The following HMCN2 variants were observed in gnomAD, a reference collection of about 807,000 sequenced individuals.
The protein encoded by HMCN2 is hemicentin 2, also known as hemicentin-2.
HMCN2 carries 325 observed loss-of-function variants against 377.5 expected under a neutral mutation model. That is an observed-to-expected ratio of 0.86 (90% CI 0.79 to 0.94). HMCN2 has a LOEUF of 0.94. Ranked by LOEUF, HMCN2 falls within the 40% of genes least tolerant of loss-of-function variation. The pLI is 0.00. For synonymous variants in HMCN2, 2,007 were observed against 2,046.8 expected, an observed-to-expected ratio of 0.98 and a Z score of 0.53; for missense variants, 4,543 against 4,725.3, an observed-to-expected ratio of 0.96 and a Z score of 1.13.
chr9:130,376,050 C>A (rs2131615181), intron 51 of HMCN2, 61 bp downstream of exon 51: 1 of 709,826 alleles, frequency 1.4e-6, no homozygotes, highest in Non-Finnish European at 1.7e-6. Context: ...AACCTAGGGG[C>A]CCAGGCACCT....
chr9:130,371,804 C>T (rs1001743761), intron 46 of HMCN2, among the ~76,000 whole-genome samples: 4 of 152,208 alleles, frequency 2.6e-5, no homozygotes, highest in African/African-American at 4.8e-5. Flanking sequence ...TTAGTAATGT[C>T]GGCTCTGGGT....
chr9:130,398,878 A>T (rs4573325), intron 75 of HMCN2, among the ~76,000 whole-genome samples, 171 bp downstream of exon 75: 36 of 151,948 alleles, frequency 2.4e-4, no homozygotes, highest in Admixed American at 2.4e-3. Context: ...ACACTGAGAT[A>T]GGGGTGAGGG....
chr9:130,427,693 G>C, intron 92 of HMCN2, 74 bp downstream of exon 92: 3 of 1,470,426 alleles, frequency 2.0e-6, no homozygotes, highest in Non-Finnish European at 2.7e-6. Flanking sequence ...GGGTCCCCAG[G>C]GCCAGGACCC....
chr9:130,424,861 C>T lies in HMCN2; in HGVS notation c.13467C>T (p.His4489=), dbSNP rs1303299428. The stretch of plus-strand genomic sequence containing the variant: ...AGAGTGGGGAAGCCCTGAATGGCCA[C>T]TCTCTGACTGGGGGCAGGTTCCGGC... ...ARESGEALNG[H]SLTGGRFRQE... The change falls in exon 88 of 98, where the codon CAC becomes CAT. Residue 4489 remains histidine, a synonymous_variant. Transcript: ENST00000683500. The T allele has an allele frequency of 6.8e-7, 1 of 1,471,712 alleles. No homozygotes were observed. The highest frequency in any genetic ancestry group is 9.0e-7 in the Non-Finnish European group (1 of 1,105,936). 91.2% of individuals were successfully genotyped at this position (1,471,712 alleles called of 1,614,324 possible).
At chr9:130,291,462 G>A (rs1217349233) in intron 4 of HMCN2, among the ~76,000 whole-genome samples, 4 of 152,082 alleles carry the variant, frequency 2.6e-5, no homozygotes, top group East Asian at 1.9e-4. Context: ...CGCCTGCCTC[G>A]GCCTCCCAAA....
intron 61 of HMCN2, among the ~76,000 whole-genome samples, chr9:130,388,093 G>A (rs1219759820): frequency 1.3e-5 from 2 of 152,128 alleles, no homozygotes; most frequent in Admixed American, 6.5e-5. Context: ...GTGTCTGCCT[G>A]GGGTGTGTGA....
Position 130,355,752 on chromosome 9 carries a change from C to T in HMCN2, c.5153C>T (p.Pro1718Leu), listed in dbSNP as rs1000769946. ...LQYSVEVQVP[P>L]QLLVAEGLGQ... ...GAGTGTGTTCTGCCTGCAGTGCCCCCACAGCTCCTGGTGGCTGAAGGCTTG... is the reference window on the plus strand; with the variant it reads ...GAGTGTGTTCTGCCTGCAGTGCCCCTACAGCTCCTGGTGGCTGAAGGCTTG... The change falls in exon 33 of 98, where the codon CCA becomes CTA. Residue 1718 changes from proline to leucine, a missense_variant. Coordinates refer to ENST00000683500, the MANE Select transcript of HMCN2 (RefSeq NM_001291815.2). 3.1e-6 allele frequency: 4 copies of T among 1,302,952 alleles called. No individual in the cohort carries two copies. Among genetic ancestry groups the T allele is most frequent in the East Asian group, 5.5e-5 (1 of 18,038 alleles). The allele number at this position is 1,302,952 out of a possible 1,614,324, so 80.7% of individuals were successfully genotyped here. A position where few individuals can be genotyped will look rare whatever the true frequency, so the allele number is the denominator to read the frequency against.
At chr9:130,283,792 C>T (rs1395278614) in intron 1 of HMCN2, among the ~76,000 whole-genome samples, 1 of 152,154 alleles carries the variant, frequency 6.6e-6, no homozygotes, top group African/African-American at 2.4e-5. Context: ...TGTGAATTTA[C>T]CAGTTTGTTT....
chr9:130,431,497 C>A lies in HMCN2; in HGVS notation c.14767+11C>A. On this transcript the variant is annotated intron_variant, in intron 96 of 97. Coordinates refer to ENST00000683500, the MANE Select transcript of HMCN2 (RefSeq NM_001291815.2). ...GGAAGAACTGCCAGGGTGAGCCGGG[C>A]TCAGGCCGCCGCCCAAACACCCGTG... 1 of 1,547,038 alleles carries A rather than the reference C, an allele frequency of 6.5e-7. No homozygotes were observed. Among genetic ancestry groups the A allele is most frequent in the South Asian group, 1.2e-5 (1 of 83,952 alleles).
Position 130,265,863 on chromosome 9 carries a change from C to T in HMCN2, c.-16C>T. 1 of 339,884 alleles carries T rather than the reference C, an allele frequency of 2.9e-6. No homozygotes were observed. 21.1% of individuals were successfully genotyped at this position (339,884 alleles called of 1,614,324 possible). ...GCGCCTCCACCGCAGCACCCGCAGC[C>T]AGAGCCGCGCTCGGCATGATGCCCG... is the stretch of plus-strand genomic sequence containing the variant. On this transcript the variant is annotated 5_prime_UTR_variant, in exon 1 of 98. Coordinates refer to ENST00000683500, the MANE Select transcript of HMCN2 (RefSeq NM_001291815.2).
Position 130,361,416 on chromosome 9 carries a change from C to T in HMCN2, c.5951-592C>T, listed in dbSNP as rs1288787350. On this transcript the variant is annotated intron_variant, in intron 38 of 97. Transcript: ENST00000683500. The surrounding 1 kb of genome is among the most constrained non-coding windows in gnomAD (Gnocchi z 4.8). Reference sequence around the variant, plus strand: ...GAGAAACTGAAAGGAGGCCACGGGGCCTGGGATTTACAACACTGAGAAGAG... The same window carrying T: ...GAGAAACTGAAAGGAGGCCACGGGGTCTGGGATTTACAACACTGAGAAGAG... Among the ~76,000 whole-genome samples the T allele has an allele frequency of 6.6e-6, 1 of 152,134 alleles. No individual in the cohort carries two copies.
intron 7 of HMCN2, among the ~76,000 whole-genome samples, chr9:130,298,758 A>G (rs1325388235): frequency 6.6e-6 from 1 of 151,906 alleles, no homozygotes; most frequent in East Asian, 1.9e-4. Context: ...TGGGACTCCA[A>G]CTCAGTGCAG....
At chr9:130,348,494 G>A in intron 26 of HMCN2, 51 bp from the exon 27 acceptor site, 2 of 1,293,112 alleles carry the variant, frequency 1.5e-6, no homozygotes, top group Non-Finnish European at 2.0e-6. Flanking sequence ...CCCTTCGGCT[G>A]TGGCTCTAAG....
In HMCN2 at chr9:130,406,094, T is replaced by C. The variant is rs370256722; in HGVS notation, c.12479T>C (p.Leu4160Pro). 1.9e-5 allele frequency: 24 copies of C among 1,289,868 alleles called. No individual in the cohort carries two copies. In the South Asian group the frequency reaches 2.2e-4, roughly 12 times the overall value. 79.9% of individuals were successfully genotyped at this position (1,289,868 alleles called of 1,614,324 possible). Residue 4160 changes from leucine (L) to proline (P), a missense_variant, in exon 82 of 98, where the codon CTG becomes CCG. Leu to Pro is a moderately conservative substitution (Grantham distance 98). Coordinates refer to ENST00000683500, the MANE Select transcript of HMCN2 (RefSeq NM_001291815.2). ...GDRSLRLGDRLWLRCAARGSP... is the reference protein window; with the variant it reads ...GDRSLRLGDRPWLRCAARGSP... ...CGCAGCCTGCGCCTTGGGGACAGGCTGTGGCTTCGCTGTGCAGCCCGGGGC... is the reference window on the plus strand; with the variant it reads ...CGCAGCCTGCGCCTTGGGGACAGGCCGTGGCTTCGCTGTGCAGCCCGGGGC...
rs1198208863 is a variant in HMCN2 at position 130,433,901 on chromosome 9, G to T, written c.*208G>T. ...CTCACAGAGGGAGGCGTCCAGGGCG[G>T]CCCTTGGGTGGCCAGTCCCGCAGGC... is the stretch of plus-strand genomic sequence containing the variant. On this transcript the variant is annotated 3_prime_UTR_variant, in exon 98 of 98. Coordinates refer to ENST00000683500, the MANE Select transcript of HMCN2 (RefSeq NM_001291815.2). 8 of 493,424 alleles carry T rather than the reference G, an allele frequency of 1.6e-5. No homozygotes were observed. In the African/African-American group the frequency reaches 1.6e-4, roughly 10 times the overall value. The allele number at this position is 493,424 out of a possible 1,614,324, so 30.6% of individuals were successfully genotyped here.
intron 61 of HMCN2, among the ~76,000 whole-genome samples, chr9:130,386,841 A>C (rs1232560787): frequency 6.6e-6 from 1 of 152,238 alleles, no homozygotes; most frequent in Non-Finnish European, 1.5e-5. Flanking sequence ...TAAGGTTAGC[A>C]GGCTCCAAAT....
At chr9:130,314,559 C>G (rs1352780240) in intron 15 of HMCN2, among the ~76,000 whole-genome samples, 1 of 152,168 alleles carries the variant, frequency 6.6e-6, no homozygotes, top group Non-Finnish European at 1.5e-5. Flanking sequence ...AGCATTCCCT[C>G]TGTGGGAAAA....
intron 89 of HMCN2, 36 bp downstream of exon 89, chr9:130,425,166 A>G: frequency 6.7e-7 from 1 of 1,503,040 alleles, no homozygotes; most frequent in Non-Finnish European, 8.9e-7. Context: ...CAGACAGGGT[A>G]GGTGAGAGAG....
intron 27 of HMCN2, 38 bp downstream of exon 27, chr9:130,348,713 A>G (rs1588282959): frequency 3.1e-6 from 4 of 1,298,038 alleles, no homozygotes; most frequent in Non-Finnish European, 4.1e-6. Context: ...TATGGGTGGG[A>G]TTTAGGCTGG....
Sources: allele counts gnomAD v4.1 joint callset (sites outside exome capture counted in the v4.1 genomes callset), GRCh38; gene constraint gnomAD v4.1.1; non-coding constraint Gnocchi (gnomAD v3.1); transcripts MANE v1.5; gene names NCBI Gene and HGNC (gene_info 2026-07-23, HGNC 2026-07-21).